The following NCALD variants were observed in gnomAD, a reference collection of about 807,000 sequenced individuals.
NCALD encodes neurocalcin-delta.
Under a neutral mutation model 18.6 loss-of-function variants are expected in NCALD, and 10 were observed. The ratio of observed to expected loss-of-function variants is 0.54; its 90% CI spans 0.33 to 0.91. The LOEUF (loss-of-function observed/expected upper bound fraction) is 0.91, where lower values mean the gene tolerates loss of function less well. Among genes scored for constraint, NCALD ranks in the 40% least tolerant of loss-of-function variants. The pLI is 0.03. For synonymous variants in NCALD, 88 were observed against 87.4 expected (o/e 1.01, Z -0.04); for missense variants, 184 against 247.6 (o/e 0.74, Z 1.72).
intron 2 of NCALD, among the ~76,000 whole-genome samples, chr8:101,927,455 G>A (rs1261317802): frequency 2.0e-5 from 3 of 152,236 alleles, no homozygotes; most frequent in Non-Finnish European, 2.9e-5. Flanking sequence ...TGCGTGTGAT[G>A]AAGGTGTCTG....
chr8:101,713,496 T>C (rs1411265348), intron 2 of NCALD, among the ~76,000 whole-genome samples: 1 of 151,438 alleles, frequency 6.6e-6, no homozygotes, highest in African/African-American at 2.4e-5. Flanking sequence ...AGGAACTGTT[T>C]TTTTTTGAAA....
chr8:101,864,083 G>T (rs1199036924), intron 4 of NCALD, among the ~76,000 whole-genome samples: 1 of 152,162 alleles, frequency 6.6e-6, no homozygotes, highest in Non-Finnish European at 1.5e-5. Context: ...TAATCAGATA[G>T]TATTACATAC....
intron 2 of NCALD, among the ~76,000 whole-genome samples, chr8:101,998,196 G>A (rs563132332): frequency 3.9e-5 from 6 of 152,252 alleles, no homozygotes; most frequent in Admixed American, 2.6e-4. Flanking sequence ...CTTCAGAACA[G>A]GCTAGGGGAA....
chr8:101,994,739 T>C (rs1821174085), intron 2 of NCALD, among the ~76,000 whole-genome samples: 1 of 152,252 alleles, frequency 6.6e-6, no homozygotes, highest in Non-Finnish European at 1.5e-5. Context: ...CTCATTACTC[T>C]CAATGATGAA....
intron 1 of NCALD, among the ~76,000 whole-genome samples, chr8:101,764,464 T>C (rs896575404): frequency 2.0e-5 from 3 of 152,298 alleles, no homozygotes; most frequent in African/African-American, 4.8e-5. Context: ...ACTGGTGACC[T>C]TGACAAGAAA....
chr8:102,061,828 A>G (rs528517507), intron 1 of NCALD, among the ~76,000 whole-genome samples: 3 of 152,318 alleles, frequency 2.0e-5, no homozygotes, highest in Middle Eastern at 6.8e-3. Flanking sequence ...ACACACGGAG[A>G]TTATTTTTAG....
At chr8:101,721,683 C>A (rs1287814115) in intron 1 of NCALD, among the ~76,000 whole-genome samples, 1 of 152,120 alleles carries the variant, frequency 6.6e-6, no homozygotes, top group Admixed American at 6.6e-5. Context: ...TAATGACCAG[C>A]AATCCTCATT....
chr8:102,087,828 T>C (rs1475447933), intron 1 of NCALD, among the ~76,000 whole-genome samples: 3 of 152,112 alleles, frequency 2.0e-5, no homozygotes, highest in South Asian at 2.1e-4. Flanking sequence ...GCCTGAACTT[T>C]TGAGAAATGG....
At chr8:101,829,589 A>AT (rs901863006) in intron 4 of NCALD, among the ~76,000 whole-genome samples, 1 of 152,182 alleles carries the variant, frequency 6.6e-6, no homozygotes, top group African/African-American at 2.4e-5. Context: ...TCCATAAAAC[A>AT]TTTTTTTAAT....
rs868741992 is a variant in NCALD, at chr8:101,898,803, A to C, written c.-106-11576T>G. On this transcript the variant is annotated intron_variant, in intron 3 of 6. Coordinates refer to the NCALD transcript ENST00000311028. ...CGATAGCTATACTAATTTTGAAATT[A>C]GGTTCAGTGATTTCTCCTACTTTAT... Among the ~76,000 whole-genome samples the C allele has an allele frequency of 6.6e-5, 10 of 152,288 alleles. No individual in the cohort carries two copies. In the South Asian group the frequency reaches 1.9e-3, roughly 28 times the overall value.
intron 1 of NCALD, among the ~76,000 whole-genome samples, chr8:101,776,069 G>T (rs1811778864): frequency 1.3e-5 from 2 of 152,168 alleles, no homozygotes; most frequent in South Asian, 4.1e-4. Flanking sequence ...CTTGGGAACA[G>T]CATGAACCCC....
chr8:101,701,373 T>A (rs1469691294), intron 2 of NCALD, among the ~76,000 whole-genome samples: 1 of 152,002 alleles, frequency 6.6e-6, no homozygotes, highest in East Asian at 1.9e-4. Flanking sequence ...CAATGAGAGG[T>A]CTAGCAGGGT....
intron 1 of NCALD, chr8:101,780,088 ATTC>A (rs779023199): frequency 6.6e-6 from 1 of 152,090 alleles, no homozygotes; most frequent in Non-Finnish European, 1.5e-5. Context: ...TCTTTTTCAT[ATTC>A]TTCTGTGTTT....
At chr8:101,948,035 G>C (rs1819245843) in intron 2 of NCALD, among the ~76,000 whole-genome samples, 1 of 152,250 alleles carries the variant, frequency 6.6e-6, no homozygotes, top group Non-Finnish European at 1.5e-5. Context: ...CCAAGTTAAG[G>C]AAGCTGGCCA....
chr8:101,742,067 C>A (rs1810219351), intron 1 of NCALD, among the ~76,000 whole-genome samples: 1 of 147,886 alleles, frequency 6.8e-6, no homozygotes. Context: ...GCCTGGCCAA[C>A]ATAGCGAAAC....
chr8:101,956,767 A>G (rs1207939324), intron 2 of NCALD, among the ~76,000 whole-genome samples: 1 of 152,162 alleles, frequency 6.6e-6, no homozygotes, highest in Non-Finnish European at 1.5e-5. Context: ...AAGAAAAATG[A>G]TTGAAAAAAG....
At chr8:101,772,893 TAG>T (rs1199046818) in intron 1 of NCALD, among the ~76,000 whole-genome samples, 1 of 152,300 alleles carries the variant, frequency 6.6e-6, no homozygotes, top group Middle Eastern at 3.4e-3. Flanking sequence ...CCCATTTTAA[TAG>T]AGAGAATTTA....
At chr8:101,845,706 T>G (rs774717971) in intron 4 of NCALD, among the ~76,000 whole-genome samples, 17 of 152,224 alleles carry the variant, frequency 1.1e-4, no homozygotes, top group Non-Finnish European at 2.1e-4. Context: ...CTAGCTATTT[T>G]GAAATATACA....
Position 101,915,255 on chromosome 8 carries a change from A to T in NCALD, c.-107+554T>A, listed in dbSNP as rs1817933516. Among the ~76,000 whole-genome samples the T allele has an allele frequency of 2.0e-5, 3 of 152,194 alleles. No homozygotes were observed. In the South Asian group the frequency reaches 6.2e-4, roughly 32 times the overall value. Reference sequence around the variant, plus strand: ...TTGGAGCTAACCACATTGGAGTTAGATTTGGAGCTAACTCCTACATTGCCT... The same window carrying T: ...TTGGAGCTAACCACATTGGAGTTAGTTTTGGAGCTAACTCCTACATTGCCT... On this transcript the variant is annotated intron_variant, in intron 3 of 6. Transcript: ENST00000311028.
Sources: allele counts gnomAD v4.1 joint callset (sites outside exome capture counted in the v4.1 genomes callset), GRCh38; gene constraint gnomAD v4.1.1; transcripts MANE v1.5; gene names NCBI Gene and HGNC (gene_info 2026-07-23, HGNC 2026-07-21).